PWWP2B: variants seen among roughly 807,000 people sequenced by gnomAD.
PWWP2B encodes PWWP domain containing 2B.
Under a neutral mutation model 15.5 loss-of-function variants are expected in PWWP2B, and 9 were observed. That is an observed-to-expected ratio of 0.58 (90% CI 0.35 to 1.02). The LOEUF is 1.02. Ranked by LOEUF, PWWP2B falls within the 50% of genes least tolerant of loss-of-function variation. PWWP2B has a pLI of 0.02. For synonymous variants in PWWP2B, 474 were observed against 403.6 expected (o/e 1.17, Z -2.09); for missense variants, 864 against 865.3 (o/e 1.00, Z 0.02).
At position 132,406,221 on chromosome 10, in the gene PWWP2B, C is replaced by G. The variant is rs1212800697; in HGVS notation, c.1721C>G (p.Ala574Gly). 6.2e-7 allele frequency: 1 copy of G among 1,612,334 alleles called. No homozygotes were observed. Among genetic ancestry groups the G allele is most frequent in the Non-Finnish European group, 8.5e-7 (1 of 1,179,372 alleles). The change falls in exon 2 of 3, where the codon GCA (alanine) becomes GGA (glycine). Residue 574 changes from alanine to glycine, a missense_variant. Transcript: ENST00000305233. Reference protein sequence around the residue: ...RKAITEAANAARHVAPEIREL... With the variant: ...RKAITEAANAGRHVAPEIREL... ...GCTATAACCGAGGCTGCAAATGCCG[C>G]AAGACACGTGGCCCCGGAAATCAGG...
At chr10:132,399,231 G>A (rs915104367) in intron 1 of PWWP2B, among the ~76,000 whole-genome samples, 4 of 152,276 alleles carry the variant, frequency 2.6e-5, no homozygotes, top group African/African-American at 9.6e-5. Flanking sequence ...TGACAGTGGA[G>A]GCCCAGTCCC....
rs370300279 is a variant in PWWP2B at position 132,416,126 on chromosome 10, C to G, written c.*17-935C>G. On this transcript the variant is annotated intron_variant, in intron 2 of 2. Transcript: ENST00000305233. ...ACTGGAAGTGGCAGTGGCCTCTCCGCGGGGCCGGGACAGGGGCAGGTCCCT... is the reference window on the plus strand; with the variant it reads ...ACTGGAAGTGGCAGTGGCCTCTCCGGGGGGCCGGGACAGGGGCAGGTCCCT... Among the ~76,000 whole-genome samples the G allele has an allele frequency of 1.4e-4, 21 of 152,280 alleles. No individual in the cohort carries two copies. In the East Asian group the frequency reaches 4.1e-3, roughly 29 times the overall value.
intron 1 of PWWP2B, among the ~76,000 whole-genome samples, chr10:132,397,844 C>T (rs1383230424): frequency 2.6e-5 from 4 of 152,160 alleles, no homozygotes; most frequent in Non-Finnish European, 4.4e-5. Context: ...TTGCGCCCAG[C>T]TGTGCGATTT....
chr10:132,407,328 C>T (rs1374991730), intron 2 of PWWP2B, among the ~76,000 whole-genome samples: 1 of 152,166 alleles, frequency 6.6e-6, no homozygotes, highest in Non-Finnish European at 1.5e-5. Flanking sequence ...CTAACCACCC[C>T]ATGGATGCAG....
chr10:132,413,634 C>T (rs1389888773), intron 2 of PWWP2B, among the ~76,000 whole-genome samples: 7 of 152,248 alleles, frequency 4.6e-5, no homozygotes, highest in Non-Finnish European at 8.8e-5. Flanking sequence ...CTGGTCTCCC[C>T]GGCCTTCCTG....
intron 2 of PWWP2B, among the ~76,000 whole-genome samples, chr10:132,411,455 G>A (rs963327631): frequency 8.5e-5 from 13 of 152,374 alleles, no homozygotes; most frequent in Admixed American, 5.9e-4. Flanking sequence ...TGGGCAGCGC[G>A]GGCACAGCCC....
intron 1 of PWWP2B, among the ~76,000 whole-genome samples, chr10:132,402,998 C>G (rs1429009780): frequency 2.0e-5 from 3 of 152,256 alleles, no homozygotes; most frequent in African/African-American, 7.2e-5. Flanking sequence ...CCGCCCGGGA[C>G]TGGCCTCCCT....
chr10:132,414,853 C>G (rs1424896139), intron 2 of PWWP2B, among the ~76,000 whole-genome samples: 1 of 152,200 alleles, frequency 6.6e-6, no homozygotes. Context: ...ACGCATGGCT[C>G]TGTCTAGGAG....
In PWWP2B at chr10:132,397,418, G is replaced by A. The variant is rs2069552000; in HGVS notation, c.125+67G>A. 3.5e-6 allele frequency: 4 copies of A among 1,147,812 alleles called. No homozygotes were observed. The South Asian group carries it at 1.6e-4, about 46-fold the overall frequency. The allele number at this position is 1,147,812 out of a possible 1,614,324, so 71.1% of individuals were successfully genotyped here. ...GCGACACCCGCCTCCGCCGCCCGGA[G>A]ACCCGGGACCCGCCTCCGGGTTGGG... On this transcript the variant is annotated intron_variant, in intron 1 of 2. Coordinates refer to ENST00000305233, the MANE Select transcript of PWWP2B (RefSeq NM_138499.4).
chr10:132,399,148 C>T (rs970925000), intron 1 of PWWP2B, among the ~76,000 whole-genome samples: 4 of 152,210 alleles, frequency 2.6e-5, no homozygotes, highest in Non-Finnish European at 4.4e-5. Flanking sequence ...CCTCGGACCG[C>T]AGGGTGCTGA....
intron 1 of PWWP2B, among the ~76,000 whole-genome samples, chr10:132,399,851 C>T (rs61864558): frequency 0.031 from 4,645 of 152,294 alleles, 118 homozygotes; most frequent in Admixed American, 0.089. Flanking sequence ...GACGAGGCTC[C>T]GAGTGCGGAA....
chr10:132,415,270 AT>A (rs1235249364), intron 2 of PWWP2B, among the ~76,000 whole-genome samples: 1 of 149,394 alleles, frequency 6.7e-6, no homozygotes, highest in Non-Finnish European at 1.5e-5. Context: ...CCGCTCACAC[AT>A]TCACATCCAC....
chr10:132,405,597 C>T lies in PWWP2B; in HGVS notation c.1097C>T (p.Pro366Leu), dbSNP rs200265938. The T allele has an allele frequency of 5.0e-5, 80 of 1,610,808 alleles. No individual in the cohort carries two copies. The highest frequency in any genetic ancestry group is 8.3e-5 in the Admixed American group (5 of 60,008). The change falls in exon 2 of 3, where the codon CCG (proline) becomes CTG (leucine). Residue 366 changes from proline to leucine, a missense_variant. Around this residue, in one of 2 missense-constraint regions of PWWP2B, gnomAD observed 736 missense variants for 687.7 expected, o/e 1.07. Transcript: ENST00000305233. ...ELNGYLRDSS[P>L]APCADGPAGG... ...AACGGGTACCTGCGGGACAGCTCGC[C>T]GGCGCCCTGTGCGGACGGCCCTGCC...
intron 2 of PWWP2B, among the ~76,000 whole-genome samples, chr10:132,415,665 ACACT>A (rs201450165): frequency 4.0e-4 from 57 of 144,110 alleles, no homozygotes; most frequent in East Asian, 2.6e-3. Context: ...ATGCACTCAC[ACACT>A]CACACACACA....
intron 1 of PWWP2B, among the ~76,000 whole-genome samples, chr10:132,401,199 T>G (rs1427647640): frequency 6.6e-6 from 1 of 152,220 alleles, no homozygotes; most frequent in Non-Finnish European, 1.5e-5. Context: ...GCTGTGCCAT[T>G]GGGAGTGGCA....
intron 1 of PWWP2B, among the ~76,000 whole-genome samples, chr10:132,402,329 C>G (rs561700288): frequency 6.6e-6 from 1 of 152,264 alleles, no homozygotes; most frequent in Non-Finnish European, 1.5e-5. Context: ...GCTGTCGTAG[C>G]CACCGTCCTC....
chr10:132,412,450 C>A (rs111604889), intron 2 of PWWP2B, among the ~76,000 whole-genome samples: 1 of 152,154 alleles, frequency 6.6e-6, no homozygotes, highest in African/African-American at 2.4e-5. Context: ...CCATGGGGCT[C>A]ACTCTCTTAC....
Position 132,405,412 on chromosome 10 carries a change from G to C in PWWP2B, c.912G>C (p.Arg304=). 1.2e-6 allele frequency: 2 copies of C among 1,610,716 alleles called. No individual in the cohort carries two copies. The highest frequency in any genetic ancestry group is 1.7e-6 in the Non-Finnish European group (2 of 1,179,242). The change falls in exon 2 of 3, where the codon CGG becomes CGC. Residue 304 remains arginine, a synonymous_variant. Transcript: ENST00000305233. ...TGCTGGACAGAGAGTCCCGGGACCG[G>C]CCGTCCTGCGCGCCCTCGGCCTCCA... The part of the protein sequence containing the change: ...PEVLDRESRD[R]PSCAPSASIP...
Position 132,417,228 on chromosome 10 carries a change from G to A in PWWP2B, c.*184G>A, listed in dbSNP as rs1188934948. The A allele has an allele frequency of 1.2e-6, 1 of 807,056 alleles. No homozygotes were observed. The highest frequency in any genetic ancestry group is 1.7e-5 in the African/African-American group (1 of 58,680). The allele number at this position is 807,056 out of a possible 1,614,324, so 50.0% of individuals were successfully genotyped here. ...GTGTCCAGGGAGGGGATGGCCCTGA[G>A]CCCAGCGGCTCCTCCCGCTGAGTGT... is the stretch of plus-strand genomic sequence containing the variant. On this transcript the variant is annotated 3_prime_UTR_variant, in exon 3 of 3. Transcript: ENST00000305233.
Sources: allele counts gnomAD v4.1 joint callset (sites outside exome capture counted in the v4.1 genomes callset), GRCh38; gene constraint gnomAD v4.1.1; regional missense constraint gnomAD v4.1.1; transcripts MANE v1.5; gene names NCBI Gene and HGNC (gene_info 2026-07-23, HGNC 2026-07-21).